GIGYF2: variants seen among roughly 807,000 people sequenced by gnomAD.
The protein encoded by GIGYF2 is GRB10 interacting GYF protein 2, also known as GRB10-interacting GYF protein 2.
In GIGYF2, 25 loss-of-function variants were observed where a neutral mutation model predicts 208.1. The ratio of observed to expected loss-of-function variants is 0.12; its 90% CI spans 0.09 to 0.17. The LOEUF is 0.17. GIGYF2 is among the 10% of genes least tolerant of loss of function. The pLI, the probability that GIGYF2 is intolerant of heterozygous loss-of-function variation, is 1.00. For synonymous variants in GIGYF2, 534 were observed against 543.8 expected, an observed-to-expected ratio of 0.98 and a Z score of 0.25; for missense variants, 1,302 against 1,579.4, an observed-to-expected ratio of 0.82 and a Z score of 2.98.
intron 2 of GIGYF2, 58 bp from the exon 3 acceptor site, chr2:232,735,097 C>G (rs567665483): frequency 1.3e-6 from 1 of 798,172 alleles, no homozygotes; most frequent in Non-Finnish European, 2.2e-6. Context: ...TACTTTCTGG[C>G]CTGGAATTCC....
At chr2:232,709,468 C>T (rs180895379) in intron 2 of GIGYF2, among the ~76,000 whole-genome samples, 8 of 152,278 alleles carry the variant, frequency 5.3e-5, no homozygotes, top group East Asian at 1.9e-4. Flanking sequence ...GGGCTATACG[C>T]GCGGCCCATC....
In GIGYF2 at chr2:232,762,403, C is replaced by T. The variant is rs191378839; in HGVS notation, c.532+967C>T. Among the ~76,000 whole-genome samples the T allele has an allele frequency of 4.7e-4, 72 of 151,832 alleles. 1 individual carries two copies. Among genetic ancestry groups the T allele is most frequent in the African/African-American group, 1.3e-3 (55 of 41,400 alleles). The stretch of plus-strand genomic sequence containing the variant: ...GAGTAGTTGGGACTACAGGTGCGTG[C>T]CACCACACCTGGCTAATTTTTGTAT... On this transcript the variant is annotated intron_variant, in intron 8 of 28. Coordinates refer to ENST00000373563, the MANE Select transcript of GIGYF2 (RefSeq NM_001103146.3).
chr2:232,788,445 C>G (rs1451048262), intron 9 of GIGYF2: 2 of 373,066 alleles, frequency 5.4e-6, no homozygotes, highest in South Asian at 2.1e-5. Context: ...TGTTATAGTT[C>G]TCTAAAAGGC....
chr2:232,709,533 G>A (rs1055756719), intron 2 of GIGYF2, among the ~76,000 whole-genome samples: 1 of 152,084 alleles, frequency 6.6e-6, no homozygotes, highest in Admixed American at 6.6e-5. Context: ...CATAGAGGCC[G>A]GGCGCGGTGG....
chr2:232,811,168 C>T, intron 16 of GIGYF2, 76 bp from the exon 17 acceptor site: 4 of 792,124 alleles, frequency 5.0e-6, no homozygotes, highest in Middle Eastern at 4.5e-4. Context: ...TTGAATTGAA[C>T]TTTGTCTTTC....
intron 3 of GIGYF2, among the ~76,000 whole-genome samples, 186 bp from the exon 4 acceptor site, chr2:232,747,429 C>T (rs777624183): frequency 6.6e-6 from 1 of 152,142 alleles, no homozygotes; most frequent in African/African-American, 2.4e-5. Context: ...AGTTATCTCT[C>T]AATAAACTGC....
At chr2:232,826,789 CT>C (rs1701259605) in intron 21 of GIGYF2, among the ~76,000 whole-genome samples, 1 of 152,218 alleles carries the variant, frequency 6.6e-6, no homozygotes, top group Admixed American at 6.5e-5. Context: ...GCATCACATA[CT>C]GCAGATAAAT....
At chr2:232,762,798 C>T (rs946088592) in intron 8 of GIGYF2, among the ~76,000 whole-genome samples, 2 of 151,968 alleles carry the variant, frequency 1.3e-5, no homozygotes, top group Admixed American at 6.6e-5. Context: ...AATCCCAGTG[C>T]TTTGGGAGGC....
rs537633086 is a variant in GIGYF2 at position 232,855,382 on chromosome 2, G to A, written c.3833-1411G>A. Among the ~76,000 whole-genome samples the A allele has an allele frequency of 1.1e-4, 17 of 152,314 alleles. 1 individual carries two copies. In the South Asian group the frequency reaches 3.5e-3, roughly 32 times the overall value. On this transcript the variant is annotated intron_variant, in intron 28 of 28. Transcript: ENST00000373563. ...GCCAGCATTAGGTTTTCAGCTGTCA[G>A]TTGTGTTTGTGAGTACTGCTTATTG...
At chr2:232,749,638 G>C (rs530927715) in intron 5 of GIGYF2, among the ~76,000 whole-genome samples, 1 of 152,136 alleles carries the variant, frequency 6.6e-6, no homozygotes, top group Admixed American at 6.6e-5. Flanking sequence ...AAGAGTTTCT[G>C]ATTTCAAGGA....
rs1440297381 is a variant in GIGYF2 at position 232,857,777 on chromosome 2, A to T, written c.*917A>T. Reference sequence around the variant, plus strand: ...CTTTACCATATGTATGAATTTGTATAATTTCATTTTTGGATAGGGATAAAC... The same window carrying T: ...CTTTACCATATGTATGAATTTGTATTATTTCATTTTTGGATAGGGATAAAC... On this transcript the variant is annotated 3_prime_UTR_variant, in exon 29 of 29. Coordinates refer to ENST00000373563, the MANE Select transcript of GIGYF2 (RefSeq NM_001103146.3). The T allele has an allele frequency of 6.6e-6, 1 of 152,576 alleles. No homozygotes were observed. The highest frequency in any genetic ancestry group is 2.4e-5 in the African/African-American group (1 of 41,426). The allele number at this position is 152,576 out of a possible 1,614,324, so 9.5% of individuals were successfully genotyped here.
At chr2:232,829,931 T>C (rs772147549) in intron 21 of GIGYF2, among the ~76,000 whole-genome samples, 62 of 152,206 alleles carry the variant, frequency 4.1e-4, no homozygotes, top group Non-Finnish European at 6.9e-4. Flanking sequence ...AGACTCTTCT[T>C]TGATTTCTCT....
chr2:232,733,633 C>G (rs1301096616), intron 2 of GIGYF2, among the ~76,000 whole-genome samples: 4 of 152,178 alleles, frequency 2.6e-5, no homozygotes, highest in African/African-American at 9.7e-5. Flanking sequence ...AGTTGTCCCT[C>G]AGTATCCATG....
intron 21 of GIGYF2, among the ~76,000 whole-genome samples, chr2:232,821,745 A>G (rs1474459133): frequency 1.3e-5 from 2 of 152,166 alleles, no homozygotes; most frequent in South Asian, 2.1e-4. Flanking sequence ...TATGTAAGAA[A>G]TACTTGCCAA....
At chr2:232,761,585 G>T in intron 8 of GIGYF2, 149 bp downstream of exon 8, 1 of 606,734 alleles carries the variant, frequency 1.6e-6, no homozygotes, top group East Asian at 3.0e-5. Flanking sequence ...CAGAGATGAT[G>T]AATACAGCCA....
intron 8 of GIGYF2, among the ~76,000 whole-genome samples, chr2:232,784,480 C>G (rs1187138795): frequency 2.1e-5 from 3 of 145,856 alleles, no homozygotes; most frequent in African/African-American, 7.5e-5. Flanking sequence ...AGCTCCACCT[C>G]CCAGGTTCAT....
intron 15 of GIGYF2, among the ~76,000 whole-genome samples, chr2:232,808,840 T>C (rs1158310985): frequency 1.3e-5 from 2 of 152,188 alleles, no homozygotes; most frequent in Non-Finnish European, 2.9e-5. Flanking sequence ...CTACAACTTA[T>C]TTTTTCTAAT....
chr2:232,799,104 G>A (rs552878884), intron 14 of GIGYF2, among the ~76,000 whole-genome samples: 2 of 151,964 alleles, frequency 1.3e-5, no homozygotes, highest in African/African-American at 4.8e-5. Flanking sequence ...TGTCCTCAAG[G>A]TTTGTTCATG....
In GIGYF2 at chr2:232,712,687, T is replaced by TA. The variant is rs765498252; in HGVS notation, c.-44+9205dup. On this transcript the variant is annotated intron_variant, in intron 2 of 28. Coordinates refer to ENST00000373563, the MANE Select transcript of GIGYF2 (RefSeq NM_001103146.3). ...CAATAGTATTTTATAATAGTATTAT[T>TA]AAAAAAACACATCATGGATGCCCTG... is the stretch of plus-strand genomic sequence containing the variant. 3.3e-5 allele frequency among the ~76,000 whole-genome samples: 5 copies of TA among 152,320 alleles called. No individual in the cohort carries two copies. In the South Asian group the frequency reaches 1.0e-3, roughly 32 times the overall value.
Sources: gnomAD v4.1 joint callset for allele counts (sites outside exome capture counted in the v4.1 genomes callset) on GRCh38, gnomAD v4.1.1 for gene constraint, MANE v1.5 for transcripts, NCBI Gene and HGNC (gene_info 2026-07-23, HGNC 2026-07-21) for gene names.